The following ARHGAP22 variants were observed in gnomAD, a reference collection of about 807,000 sequenced individuals.
ARHGAP22 encodes the protein rho GTPase-activating protein 22.
In ARHGAP22, 48 loss-of-function variants were observed where a neutral mutation model predicts 59.1. That is an observed-to-expected ratio of 0.81 (90% CI 0.64 to 1.03). ARHGAP22 has a LOEUF of 1.03. Ranked by LOEUF, ARHGAP22 falls within the 50% of genes least tolerant of loss-of-function variation. The pLI, the probability that ARHGAP22 is intolerant of heterozygous loss-of-function variation, is 0.00. For synonymous variants in ARHGAP22, 445 were observed against 416.4 expected (o/e 1.07, Z -0.84); for missense variants, 1,015 against 958.7 (o/e 1.06, Z -0.78).
chr10:48,490,408 GC>G (rs1262828222), intron 3 of ARHGAP22, among the ~76,000 whole-genome samples: 1 of 152,098 alleles, frequency 6.6e-6, no homozygotes, highest in African/African-American at 2.4e-5. Context: ...TCCCTCCCAG[GC>G]TATGACAGCC....
chr10:48,576,035 T>C (rs1424888562), intron 2 of ARHGAP22, among the ~76,000 whole-genome samples: 1 of 152,212 alleles, frequency 6.6e-6, no homozygotes, highest in African/African-American at 2.4e-5. Flanking sequence ...GCCCACGAAG[T>C]GAGGACCTAG....
intron 3 of ARHGAP22, among the ~76,000 whole-genome samples, chr10:48,538,465 G>GA (rs2055588489): frequency 1.3e-5 from 2 of 152,180 alleles, no homozygotes; most frequent in Admixed American, 1.3e-4. Context: ...CAAGTCAACA[G>GA]AAAAGCATCA....
chr10:48,475,396 C>T (rs1014018131), intron 4 of ARHGAP22, among the ~76,000 whole-genome samples: 6 of 152,168 alleles, frequency 3.9e-5, no homozygotes, highest in Admixed American at 6.5e-5. Flanking sequence ...TAGCCCAGTC[C>T]TCTCTCCTGA....
At chr10:48,638,022 G>T (rs946675311) in intron 1 of ARHGAP22, among the ~76,000 whole-genome samples, 4 of 152,020 alleles carry the variant, frequency 2.6e-5, no homozygotes, top group African/African-American at 9.7e-5. Flanking sequence ...GTAGTCTCCT[G>T]CCTAGTAGCT....
At chr10:48,576,347 A>C (rs2058710717) in intron 2 of ARHGAP22, among the ~76,000 whole-genome samples, 1 of 152,236 alleles carries the variant, frequency 6.6e-6, no homozygotes, top group Admixed American at 6.5e-5. Flanking sequence ...CCTCCTGGTC[A>C]TCCAAAGAAC....
chr10:48,489,109 T>C (rs971410819), intron 3 of ARHGAP22, among the ~76,000 whole-genome samples: 13 of 152,208 alleles, frequency 8.5e-5, no homozygotes, highest in African/African-American at 3.1e-4. Context: ...TTTCTTTTCT[T>C]TTTTTTGGCT....
intron 9 of ARHGAP22, 133 bp downstream of exon 9, chr10:48,450,128 G>T: frequency 7.6e-7 from 1 of 1,310,218 alleles, no homozygotes. Context: ...CCCAGAGCTA[G>T]GATTCCCCTC....
intron 3 of ARHGAP22, among the ~76,000 whole-genome samples, chr10:48,515,458 G>A (rs1013593355): frequency 6.6e-5 from 10 of 152,048 alleles, no homozygotes; most frequent in Non-Finnish European, 1.0e-4. Flanking sequence ...TAAACAGAAC[G>A]CAGGAGATTT....
chr10:48,546,460 C>G (rs1046976868), intron 3 of ARHGAP22: 2 of 158,538 alleles, frequency 1.3e-5, no homozygotes, highest in Non-Finnish European at 2.8e-5. Flanking sequence ...AGTATGACAC[C>G]AGCTGGGATG....
chr10:48,589,887 A>G (rs1190751937), intron 1 of ARHGAP22, among the ~76,000 whole-genome samples: 1 of 152,090 alleles, frequency 6.6e-6, no homozygotes, highest in Non-Finnish European at 1.5e-5. Context: ...TAGTTATGGT[A>G]TTTACTACAC....
intron 3 of ARHGAP22, among the ~76,000 whole-genome samples, chr10:48,539,667 T>G (rs1305940630): frequency 6.6e-6 from 1 of 152,240 alleles, no homozygotes; most frequent in Admixed American, 6.5e-5. Context: ...ATTTGAAATG[T>G]CTAATATTTT....
At chr10:48,439,989 C>T in the ARHGAP22 span, among the ~76,000 whole-genome samples, 2 of 152,222 alleles carry the variant, frequency 1.3e-5, no homozygotes, top group Admixed American at 6.5e-5. Flanking sequence ...TGTTTCATCA[C>T]CGTCATAGAG....
At chr10:48,438,282 T>C in the ARHGAP22 span, 1 of 152,226 alleles carries the variant, frequency 6.6e-6, no homozygotes, top group Non-Finnish European at 1.5e-5. Context: ...TGCATTTTTG[T>C]GTGCATTGTG....
intron 2 of ARHGAP22, among the ~76,000 whole-genome samples, chr10:48,569,098 G>A (rs2058240730): frequency 6.6e-6 from 1 of 152,160 alleles, no homozygotes; most frequent in Non-Finnish European, 1.5e-5. Flanking sequence ...GTTTGATTCT[G>A]TCTTATTTCT....
chr10:48,604,056 G>A (rs1434581895), intron 1 of ARHGAP22, among the ~76,000 whole-genome samples: 4 of 152,214 alleles, frequency 2.6e-5, no homozygotes, highest in Admixed American at 2.6e-4. Context: ...GACACTTTCC[G>A]TGGCTAAGAA....
the ARHGAP22 span, chr10:48,436,969 GATT>G: frequency 2.0e-5 from 3 of 152,304 alleles, no homozygotes; most frequent in South Asian, 2.1e-4. Context: ...CTGTAGCATA[GATT>G]ATGTCACTGT....
At chr10:48,470,941 G>A (rs2048173184) in intron 4 of ARHGAP22, among the ~76,000 whole-genome samples, 1 of 152,216 alleles carries the variant, frequency 6.6e-6, no homozygotes, top group Non-Finnish European at 1.5e-5. Context: ...CTTTCACTCT[G>A]AATCTGATTA....
chr10:48,464,951 T>C (rs983715522), intron 4 of ARHGAP22, among the ~76,000 whole-genome samples: 2 of 151,904 alleles, frequency 1.3e-5, no homozygotes, highest in Non-Finnish European at 2.9e-5. Flanking sequence ...CAGCTTAGCC[T>C]CCCAAGAGGC....
chr10:48,550,763 CA>C (rs1014075019), intron 3 of ARHGAP22, among the ~76,000 whole-genome samples: 37 of 152,282 alleles, frequency 2.4e-4, no homozygotes, highest in African/African-American at 8.2e-4. Context: ...TACCCTAATA[CA>C]AAAAAGCTAA....
Sources: gnomAD v4.1 joint callset for allele counts (sites outside exome capture counted in the v4.1 genomes callset) on GRCh38, gnomAD v4.1.1 for gene constraint, MANE v1.5 for transcripts, NCBI Gene and HGNC (gene_info 2026-07-23, HGNC 2026-07-21) for gene names.